ANAPC2: variants seen among roughly 807,000 people sequenced by gnomAD.
The protein encoded by ANAPC2 is anaphase-promoting complex subunit 2.
Under a neutral mutation model 84.3 loss-of-function variants are expected in ANAPC2, and 29 were observed. The ratio of observed to expected loss-of-function variants is 0.34; its 90% CI spans 0.26 to 0.47. ANAPC2 has a LOEUF of 0.47. Among genes scored for constraint, ANAPC2 ranks in the 20% least tolerant of loss-of-function variants. ANAPC2 has a pLI of 1.00. For synonymous variants in ANAPC2, 571 were observed against 479.4 expected, an observed-to-expected ratio of 1.19 and a Z score of -2.50; for missense variants, 857 against 1,131.7, an observed-to-expected ratio of 0.76 and a Z score of 3.48.
intron 5 of ANAPC2, 50 bp from the exon 6 acceptor site, chr9:137,183,292 C>A (rs773455492): frequency 6.8e-7 from 1 of 1,468,524 alleles, no homozygotes; most frequent in Non-Finnish European, 9.5e-7. Flanking sequence ...GGACCACAGC[C>A]TCCCAGGGGC....
In ANAPC2 at chr9:137,175,402, G is replaced by T; in HGVS notation, c.2091C>A (p.Ser697=). 6.2e-7 allele frequency: 1 copy of T among 1,608,604 alleles called. No homozygotes were observed. Among genetic ancestry groups the T allele is most frequent in the East Asian group, 2.2e-5 (1 of 44,666 alleles). ...MPVALLRRRM[S]VWLQQGVLRE... is the part of the protein sequence containing the mutation. ...GCAGCACACCCTGCTGCAGCCACACGGACATCCGCCGCCGCAGCAGCGCCA... is the reference window on the plus strand; with the variant it reads ...GCAGCACACCCTGCTGCAGCCACACTGACATCCGCCGCCGCAGCAGCGCCA... The change falls in exon 12 of 13, where the codon TCC becomes TCA. Residue 697 remains serine, a synonymous_variant. Transcript: ENST00000323927.
rs762877718 is a variant in ANAPC2, at chr9:137,175,172, C to A, written c.2257-18G>T. The A allele has an allele frequency of 6.2e-7, 1 of 1,602,878 alleles. No individual in the cohort carries two copies. Among genetic ancestry groups the A allele is most frequent in the Non-Finnish European group, 8.5e-7 (1 of 1,175,414 alleles). Reference sequence around the variant, plus strand: ...CAGAAGAGCTGCGGACACAGGCCAGCCCCCGTCAGGCACCTGCAGGCCTCG... The same window carrying A: ...CAGAAGAGCTGCGGACACAGGCCAGACCCCGTCAGGCACCTGCAGGCCTCG... On this transcript the variant is annotated intron_variant, in intron 12 of 12. Transcript: ENST00000323927.
chr9:137,188,279 G>A (rs1834523581), intron 1 of ANAPC2, 137 bp downstream of exon 1: 22 of 1,293,508 alleles, frequency 1.7e-5, no homozygotes, highest in Non-Finnish European at 2.3e-5. Flanking sequence ...AAACGAAACG[G>A]AAAGGTGGTG....
chr9:137,186,657 G>A (rs1265593233), intron 2 of ANAPC2: 8 of 425,650 alleles, frequency 1.9e-5, no homozygotes, highest in Non-Finnish European at 2.5e-5. Flanking sequence ...GCTGTCGGGG[G>A]CCCTAGCCTT....
At chr9:137,183,509 G>A (rs1160218654) in intron 5 of ANAPC2, 163 bp downstream of exon 5, 2 of 1,108,892 alleles carry the variant, frequency 1.8e-6, no homozygotes, top group South Asian at 1.7e-5. Flanking sequence ...AAGCTGACGG[G>A]CACCTCAGAT....
At chr9:137,184,624 G>C (rs1453983365) in intron 4 of ANAPC2, among the ~76,000 whole-genome samples, 9 of 138,052 alleles carry the variant, frequency 6.5e-5, no homozygotes, top group Non-Finnish European at 1.1e-4. Context: ...GACGCAGACA[G>C]AGCAGACACG....
Position 137,181,781 on chromosome 9 carries a change from C to T in ANAPC2, c.1368G>A (p.Leu456=). The T allele has an allele frequency of 6.2e-7, 1 of 1,610,710 alleles. No homozygotes were observed. Among genetic ancestry groups the T allele is most frequent in the Non-Finnish European group, 8.5e-7 (1 of 1,179,968 alleles). Residue 456 remains leucine, a synonymous_variant, in exon 7 of 13, where the codon CTG becomes CTA. Transcript: ENST00000323927. ...SDGTGDLAVE[L]SKTDPASLET... ...CCAGGCTCGCCGGGTCGGTCTTGGA[C>T]AGCTCAACAGCCAGGTCCCCTGTCC...
At chr9:137,180,627 C>A in intron 8 of ANAPC2, 100 bp from the exon 9 acceptor site, 1 of 1,576,202 alleles carries the variant, frequency 6.3e-7, no homozygotes, top group Non-Finnish European at 8.7e-7. Context: ...GAGCAGGGAG[C>A]CTGTGTGGGC....
intron 5 of ANAPC2, 63 bp from the exon 6 acceptor site, chr9:137,183,305 C>T: frequency 5.1e-6 from 7 of 1,370,058 alleles, no homozygotes; most frequent in South Asian, 1.2e-5. Flanking sequence ...CCAGGGGCAA[C>T]ACCCGAGTAG....
At chr9:137,188,283 G>T in intron 1 of ANAPC2, 133 bp downstream of exon 1, 2 of 1,294,860 alleles carry the variant, frequency 1.5e-6, no homozygotes, top group Non-Finnish European at 2.1e-6. Flanking sequence ...GAAACGGAAA[G>T]GTGGTGGAAA....
chr9:137,176,070 G>C, intron 10 of ANAPC2: 1 of 476,728 alleles, frequency 2.1e-6, no homozygotes, highest in Non-Finnish European at 3.6e-6. Context: ...GGCTACAGGG[G>C]CCTCCTGACC....
At chr9:137,178,375 T>G (rs978931894) in intron 10 of ANAPC2, among the ~76,000 whole-genome samples, 1 of 152,158 alleles carries the variant, frequency 6.6e-6, no homozygotes. Context: ...CACTCCTGTG[T>G]CCCACTGAAG....
chr9:137,187,240 G>C, intron 2 of ANAPC2: 2 of 540,198 alleles, frequency 3.7e-6, no homozygotes, highest in Non-Finnish European at 6.4e-6. Context: ...TGCTGCTGCA[G>C]ACACAAGCCA....
chr9:137,187,402 T>G, intron 2 of ANAPC2, 79 bp downstream of exon 2: 1 of 1,517,144 alleles, frequency 6.6e-7, no homozygotes, highest in Non-Finnish European at 8.8e-7. Context: ...ACCAGCTTTC[T>G]GCTGAGGCCA....
chr9:137,182,993 G>A (rs934112487), intron 6 of ANAPC2, 132 bp downstream of exon 6: 2 of 699,730 alleles, frequency 2.9e-6, no homozygotes, highest in Non-Finnish European at 4.9e-6. Context: ...CTGATCCCGT[G>A]CACTCAGCCC....
rs183962536 is a variant in ANAPC2 at position 137,185,280 on chromosome 9, G to C, written c.874-193C>G. On this transcript the variant is annotated intron_variant, in intron 3 of 12. Transcript: ENST00000323927. ...TGATGGCCCAAAAGGCGACGTCCCGGCCCCCCTGCAGTCTTCGTGCCTCTC... is the reference window on the plus strand; with the variant it reads ...TGATGGCCCAAAAGGCGACGTCCCGCCCCCCCTGCAGTCTTCGTGCCTCTC... Among the ~76,000 whole-genome samples the C allele has an allele frequency of 5.3e-4, 81 of 152,300 alleles. 1 individual carries two copies. The East Asian group carries it at 7.9e-3, about 15-fold the overall frequency.
chr9:137,183,725 T>C lies in ANAPC2; in HGVS notation c.1115A>G (p.Gln372Arg), dbSNP rs1206394533. 2 of 1,613,020 alleles carry C rather than the reference T, an allele frequency of 1.2e-6. No homozygotes were observed. The highest frequency in any genetic ancestry group is 1.7e-5 in the Admixed American group (1 of 59,982). The change falls in exon 5 of 13, where the codon CAG becomes CGG. Residue 372 changes from glutamine (Q) to arginine (R), a missense_variant. Gln to Arg is a conservative substitution (Grantham distance 43). Transcript: ENST00000323927. ...KYCLERTDQR[Q>R]QLLVSLKAAL... ...AGCCTTGAGGGACACGAGCAGCTGCTGCCTCTGGTCCGTCCTCTCCAGGCA... is the reference window on the plus strand; with the variant it reads ...AGCCTTGAGGGACACGAGCAGCTGCCGCCTCTGGTCCGTCCTCTCCAGGCA...
Position 137,183,664 on chromosome 9 carries a change from C to T in ANAPC2, c.1168+8G>A, listed in dbSNP as rs751111981. On this transcript the variant is annotated splice_region_variant and intron_variant, in intron 5 of 12. Coordinates refer to ENST00000323927, the MANE Select transcript of ANAPC2 (RefSeq NM_013366.4). Reference sequence around the variant, plus strand: ...CAGAGTGCTGGGTGGCCGGGCAGCACACAGCACCTGGATGCAGGAGCCGAG... The same window carrying T: ...CAGAGTGCTGGGTGGCCGGGCAGCATACAGCACCTGGATGCAGGAGCCGAG... 6.2e-7 allele frequency: 1 copy of T among 1,609,574 alleles called. No individual in the cohort carries two copies. Among genetic ancestry groups the T allele is most frequent in the South Asian group, 1.1e-5 (1 of 90,972 alleles).
At chr9:137,184,192 A>G (rs1035842391) in intron 4 of ANAPC2, among the ~76,000 whole-genome samples, 19 of 152,272 alleles carry the variant, frequency 1.2e-4, no homozygotes, top group African/African-American at 4.6e-4. Context: ...AGACGTGGAC[A>G]CAGGGAGCCC....
Sources: gnomAD v4.1 joint callset for allele counts (sites outside exome capture counted in the v4.1 genomes callset) on GRCh38, gnomAD v4.1.1 for gene constraint, MANE v1.5 for transcripts, NCBI Gene and HGNC (gene_info 2026-07-23, HGNC 2026-07-21) for gene names.